The following OPCML variants were observed in gnomAD, a reference collection of about 807,000 sequenced individuals.
The protein encoded by OPCML is opioid binding protein/cell adhesion molecule like.
In OPCML, 13 loss-of-function variants were observed where a neutral mutation model predicts 37.8. The ratio of observed to expected loss-of-function variants is 0.34; its 90% CI spans 0.22 to 0.55. The LOEUF is 0.55. Among genes scored for constraint, OPCML ranks in the 20% least tolerant of loss-of-function variants. The pLI is 0.91. For synonymous variants in OPCML, 176 were observed against 168.8 expected, an observed-to-expected ratio of 1.04 and a Z score of -0.33; for missense variants, 341 against 435.6, an observed-to-expected ratio of 0.78 and a Z score of 1.93.
At chr11:133,256,980 G>A (rs1203959964) in intron 1 of OPCML, among the ~76,000 whole-genome samples, 1 of 152,180 alleles carries the variant, frequency 6.6e-6, no homozygotes, top group Non-Finnish European at 1.5e-5. Context: ...AAAACAAGAA[G>A]AATGCTCCGA....
chr11:133,094,074 T>A (rs1411016340), intron 1 of OPCML, among the ~76,000 whole-genome samples: 1 of 152,124 alleles, frequency 6.6e-6, no homozygotes, highest in Non-Finnish European at 1.5e-5. Flanking sequence ...ATGGCATTAT[T>A]CTACTTATCT....
At chr11:133,460,535 G>A (rs1302453014) in intron 1 of OPCML, among the ~76,000 whole-genome samples, 2 of 151,690 alleles carry the variant, frequency 1.3e-5, no homozygotes, top group African/African-American at 4.8e-5. Flanking sequence ...GACAGAAATA[G>A]AAAAGATTAT....
intron 1 of OPCML, among the ~76,000 whole-genome samples, chr11:133,370,670 C>T (rs1944654744): frequency 6.6e-6 from 1 of 151,930 alleles, no homozygotes; most frequent in African/African-American, 2.4e-5. Context: ...AAAATCAACT[C>T]AAGATGGTAT....
chr11:133,192,145 G>C (rs934476691), intron 1 of OPCML, among the ~76,000 whole-genome samples: 20 of 152,176 alleles, frequency 1.3e-4, no homozygotes, highest in Non-Finnish European at 2.9e-5. Flanking sequence ...AATTGTAAGT[G>C]CTTGTCTTTG....
Position 132,588,497 on chromosome 11 carries a change from A to G in OPCML, c.380-59311T>C, listed in dbSNP as rs143788743. Among the ~76,000 whole-genome samples, 107 of 152,286 alleles carry G rather than the reference A, an allele frequency of 7.0e-4. 1 individual carries two copies. Among genetic ancestry groups the G allele is most frequent in the African/African-American group, 2.3e-3 (97 of 41,580 alleles). On this transcript the variant is annotated intron_variant, in intron 3 of 7. Coordinates refer to ENST00000524381, the MANE Select transcript of OPCML (RefSeq NM_001012393.5). ...TCCCTCTAACCTAGGAAACAAGACC[A>G]TTCCAAAACTTTGAACAGCTGTTCC...
chr11:133,151,971 T>G (rs546723671), intron 1 of OPCML, among the ~76,000 whole-genome samples: 1 of 152,258 alleles, frequency 6.6e-6, no homozygotes, highest in South Asian at 2.1e-4. Flanking sequence ...TCCAGAGGGT[T>G]TTGGTGATTT....
chr11:133,436,827 A>G (rs1438939289), intron 1 of OPCML, among the ~76,000 whole-genome samples: 2 of 152,184 alleles, frequency 1.3e-5, no homozygotes, highest in Non-Finnish European at 2.9e-5. Flanking sequence ...ACCCCCGCGT[A>G]ACTGCAAAGA....
At chr11:133,270,173 T>C in intron 1 of OPCML, among the ~76,000 whole-genome samples, 1 of 152,190 alleles carries the variant, frequency 6.6e-6, no homozygotes, top group East Asian at 1.9e-4. Flanking sequence ...GTTGTGTTTG[T>C]GTTGGATTGA....
At chr11:132,655,366 C>T (rs966501706) in intron 3 of OPCML, among the ~76,000 whole-genome samples, 1 of 152,194 alleles carries the variant, frequency 6.6e-6, no homozygotes, top group Non-Finnish European at 1.5e-5. Flanking sequence ...TTGTTTTCTA[C>T]ACCCTCAGAA....
intron 2 of OPCML, among the ~76,000 whole-genome samples, chr11:132,880,880 C>A (rs186191726): frequency 6.6e-6 from 1 of 152,330 alleles, no homozygotes; most frequent in African/African-American, 2.4e-5. Flanking sequence ...TCCCGTGTCT[C>A]TGACTGGAGT....
chr11:132,962,552 G>C (rs1018980150), intron 1 of OPCML, among the ~76,000 whole-genome samples: 2 of 152,194 alleles, frequency 1.3e-5, no homozygotes, highest in African/African-American at 4.8e-5. Flanking sequence ...GGAAAACCCT[G>C]CTATTATTCT....
chr11:133,238,203 G>A (rs1479071586), intron 1 of OPCML, among the ~76,000 whole-genome samples: 1 of 152,086 alleles, frequency 6.6e-6, no homozygotes, highest in Non-Finnish European at 1.5e-5. Flanking sequence ...GCAGGACCAG[G>A]CGTTCTGGGC....
At chr11:132,767,904 CAGAT>C (rs970897818) in intron 2 of OPCML, among the ~76,000 whole-genome samples, 6 of 152,160 alleles carry the variant, frequency 3.9e-5, no homozygotes, top group Middle Eastern at 3.4e-3. Context: ...ATTTTATACT[CAGAT>C]AGGTTCACAT....
chr11:132,877,761 G>T (rs1446609794), intron 2 of OPCML, among the ~76,000 whole-genome samples: 1 of 152,038 alleles, frequency 6.6e-6, no homozygotes, highest in Non-Finnish European at 1.5e-5. Flanking sequence ...TCCAAGCTGG[G>T]GTCATGCAAA....
chr11:133,419,242 G>A (rs1479204903), intron 1 of OPCML: 3 of 985,252 alleles, frequency 3.0e-6, no homozygotes, highest in African/African-American at 3.5e-5. Flanking sequence ...GTCATAGTTG[G>A]GAGAGAGTAT....
intron 2 of OPCML, among the ~76,000 whole-genome samples, chr11:132,710,973 C>T (rs534040112): frequency 5.3e-5 from 8 of 152,240 alleles, no homozygotes; most frequent in African/African-American, 1.9e-4. Context: ...ATGGACTTTG[C>T]ATGCTGTGGA....
At chr11:133,112,820 G>A (rs1467919894) in intron 1 of OPCML, among the ~76,000 whole-genome samples, 4 of 152,136 alleles carry the variant, frequency 2.6e-5, no homozygotes, top group Non-Finnish European at 4.4e-5. Flanking sequence ...AAAGGACACC[G>A]AGAAACTCTT....
chr11:132,997,939 C>T (rs1378518027), intron 1 of OPCML, among the ~76,000 whole-genome samples: 5 of 152,170 alleles, frequency 3.3e-5, no homozygotes, highest in African/African-American at 1.2e-4. Context: ...TTTTAGCCCT[C>T]ACAGGAGGTT....
At chr11:133,449,539 C>A (rs1049068647) in intron 1 of OPCML, among the ~76,000 whole-genome samples, 1 of 152,170 alleles carries the variant, frequency 6.6e-6, no homozygotes, top group Non-Finnish European at 1.5e-5. Context: ...TTTCTGGCCT[C>A]CAGAAGTCTG....
Sources: gnomAD v4.1 joint callset for allele counts (sites outside exome capture counted in the v4.1 genomes callset) on GRCh38, gnomAD v4.1.1 for gene constraint, MANE v1.5 for transcripts, NCBI Gene and HGNC (gene_info 2026-07-23, HGNC 2026-07-21) for gene names.